The following FREM1 variants were observed in gnomAD, a reference collection of about 807,000 sequenced individuals.
FREM1 encodes the protein FRAS1 related extracellular matrix 1, also known as FRAS1-related extracellular matrix protein 1.
FREM1 carries 220 observed loss-of-function variants against 210.1 expected under a neutral mutation model. The observed-to-expected ratio is 1.05, with a 90% CI of 0.94 to 1.17. The LOEUF (loss-of-function observed/expected upper bound fraction) is 1.17. FREM1 is among the 50% of genes most tolerant of loss of function. The probability of loss-of-function intolerance (pLI) is 0.00; values close to 1 mark genes in which losing one functional copy is unlikely to be tolerated. For missense variants in FREM1, 3,454 were observed against 2,675.5 expected (o/e 1.29, Z -6.42); for synonymous variants, 1,189 against 980.2 (o/e 1.21, Z -3.98).
intron 8 of FREM1, 81 bp downstream of exon 8, chr9:14,845,878 CT>C (rs1230846849): frequency 8.0e-6 from 11 of 1,380,040 alleles, no homozygotes; most frequent in African/African-American, 1.4e-5. Flanking sequence ...CCAAGAGATG[CT>C]ACATATATCT....
At chr9:14,825,132 T>C in intron 10 of FREM1, 140 bp from the exon 11 acceptor site, 1 of 583,100 alleles carries the variant, frequency 1.7e-6, no homozygotes, top group East Asian at 3.1e-5. Flanking sequence ...ATTCAGGAGC[T>C]ATTAAGAATA....
chr9:14,902,093 G>A lies in FREM1; in HGVS notation c.-268+7821C>T, dbSNP rs57738170. 3.5e-3 allele frequency among the ~76,000 whole-genome samples: 529 copies of A among 151,586 alleles called. 8 individuals carry two copies. Among genetic ancestry groups the A allele is most frequent in the African/African-American group, 0.012 (492 of 41,268 alleles). On this transcript the variant is annotated intron_variant, in intron 1 of 36. Transcript: ENST00000380880. ...ACTCCTGGGCTCAAACTATCTGCCT[G>A]CCTTGGCCTCCCGAAGTGCTAGGAT...
In FREM1 at chr9:14,784,353, G is replaced by A; in HGVS notation, c.4442+17C>T. The A allele has an allele frequency of 6.2e-7, 1 of 1,606,540 alleles. No homozygotes were observed. Among genetic ancestry groups the A allele is most frequent in the Non-Finnish European group, 8.5e-7 (1 of 1,174,782 alleles). On this transcript the variant is annotated intron_variant, in intron 24 of 36. Coordinates refer to ENST00000380880, the MANE Select transcript of FREM1 (RefSeq NM_001379081.2). ...TTAATCCAAAGAAGGGGTTTGAAAA[G>A]TTTCCATGGGGCTCACCTGAATCTG...
intron 27 of FREM1, among the ~76,000 whole-genome samples, chr9:14,764,732 A>G (rs575752576): frequency 6.6e-6 from 1 of 152,308 alleles, no homozygotes; most frequent in Middle Eastern, 3.4e-3. Flanking sequence ...AAATGCCTAT[A>G]GTGCCAATGT....
chr9:14,852,359 A>G (rs1827928495), intron 5 of FREM1, among the ~76,000 whole-genome samples: 1 of 152,166 alleles, frequency 6.6e-6, no homozygotes, highest in Non-Finnish European at 1.5e-5. Flanking sequence ...TTGTGCCACA[A>G]GATCTAAGAT....
intron 1 of FREM1, among the ~76,000 whole-genome samples, chr9:14,887,125 T>G (rs1835953641): frequency 6.6e-6 from 1 of 152,100 alleles, no homozygotes; most frequent in South Asian, 2.1e-4. Flanking sequence ...GAACTGGAAA[T>G]CAGAACTGTG....
intron 13 of FREM1, among the ~76,000 whole-genome samples, chr9:14,822,580 C>T (rs553093010): frequency 6.6e-6 from 1 of 152,230 alleles, no homozygotes; most frequent in East Asian, 1.9e-4. Flanking sequence ...GCAGGGGAAC[C>T]GGGTAGGTAT....
intron 3 of FREM1, among the ~76,000 whole-genome samples, chr9:14,861,058 T>A (rs1290929794): frequency 1.3e-5 from 1 of 77,124 alleles, no homozygotes; most frequent in African/African-American, 6.7e-5. Flanking sequence ...TATATACATA[T>A]ATACACATAT....
intron 16 of FREM1, 84 bp from the exon 17 acceptor site, chr9:14,808,218 G>T: frequency 1.2e-6 from 1 of 802,660 alleles, no homozygotes; most frequent in Non-Finnish European, 1.9e-6. Context: ...TCTTCTACAA[G>T]CATTGAAACA....
At chr9:14,861,505 T>G (rs983622717) in intron 3 of FREM1, among the ~76,000 whole-genome samples, 2 of 77,548 alleles carry the variant, frequency 2.6e-5, no homozygotes, top group East Asian at 4.0e-3. Flanking sequence ...CATTTATCCT[T>G]TTTTTTTTTT....
chr9:14,846,279 T>C (rs772328303), intron 7 of FREM1, among the ~76,000 whole-genome samples, 188 bp from the exon 8 acceptor site: 50 of 152,234 alleles, frequency 3.3e-4, no homozygotes, highest in Non-Finnish European at 5.0e-4. Flanking sequence ...AAACACCACA[T>C]GCTCTCACTC....
At chr9:14,886,970 T>C (rs1835932791) in intron 1 of FREM1, among the ~76,000 whole-genome samples, 1 of 152,060 alleles carries the variant, frequency 6.6e-6, no homozygotes, top group Admixed American at 6.5e-5. Flanking sequence ...CATCAAAATT[T>C]TCATACAAAT....
intron 1 of FREM1, among the ~76,000 whole-genome samples, chr9:14,887,930 T>A (rs1836103264): frequency 6.6e-6 from 1 of 152,164 alleles, no homozygotes; most frequent in African/African-American, 2.4e-5. Flanking sequence ...CCATAGTAGC[T>A]GGGACTACAG....
chr9:14,767,847 C>T (rs1212057948), intron 27 of FREM1, among the ~76,000 whole-genome samples: 1 of 152,006 alleles, frequency 6.6e-6, no homozygotes, highest in Non-Finnish European at 1.5e-5. Flanking sequence ...TCTATATTAC[C>T]CCTTGGTAGG....
At chr9:14,796,947 T>C (rs1051880249) in intron 21 of FREM1, among the ~76,000 whole-genome samples, 2 of 152,230 alleles carry the variant, frequency 1.3e-5, no homozygotes, top group East Asian at 1.9e-4. Flanking sequence ...CTCAGAATTT[T>C]AGAAAATGAT....
At chr9:14,752,222 A>T (rs756056847) in intron 29 of FREM1, among the ~76,000 whole-genome samples, 13 of 152,074 alleles carry the variant, frequency 8.5e-5, no homozygotes, top group Non-Finnish European at 1.3e-4. Context: ...AAAGCTATGT[A>T]TGTTTACCTA....
chr9:14,776,394 A>C, intron 24 of FREM1, 191 bp from the exon 25 acceptor site: 4 of 504,280 alleles, frequency 7.9e-6, no homozygotes, highest in Non-Finnish European at 1.3e-5. Context: ...TAAATGGACC[A>C]TTCTACACCC....
At chr9:14,890,461 C>T (rs546509520) in intron 1 of FREM1, among the ~76,000 whole-genome samples, 1 of 152,204 alleles carries the variant, frequency 6.6e-6, no homozygotes, top group Non-Finnish European at 1.5e-5. Context: ...ATAATATGAG[C>T]ATATTAAAGA....
chr9:14,815,380 A>T (rs964943997), intron 15 of FREM1, among the ~76,000 whole-genome samples: 1 of 152,226 alleles, frequency 6.6e-6, no homozygotes, highest in Non-Finnish European at 1.5e-5. Flanking sequence ...AACATCCTTT[A>T]TTAGTTACTA....
Sources: allele counts gnomAD v4.1 joint callset (sites outside exome capture counted in the v4.1 genomes callset), GRCh38; gene constraint gnomAD v4.1.1; transcripts MANE v1.5; gene names NCBI Gene and HGNC (gene_info 2026-07-23, HGNC 2026-07-21).